Variants in NSMCE2 observed in about 807,000 individuals in gnomAD.
The protein encoded by NSMCE2 is E3 SUMO-protein ligase NSE2.
Under a neutral mutation model 23.8 loss-of-function variants are expected in NSMCE2, and 24 were observed. The observed-to-expected ratio is 1.01, with a 90% CI of 0.73 to 1.42. The LOEUF is 1.42. NSMCE2 is among the 40% of genes most tolerant of loss of function. NSMCE2 has a pLI of 0.00. For missense variants in NSMCE2, 284 were observed against 296.5 expected, an observed-to-expected ratio of 0.96 and a Z score of 0.31; for synonymous variants, 92 against 94.1, an observed-to-expected ratio of 0.98 and a Z score of 0.13.
In NSMCE2 at chr8:125,363,662, AGGAGGGCGG is replaced by A. The variant is rs970603719; in HGVS notation, c.627-3099_627-3091del. On this transcript the variant is annotated intron_variant, in intron 7 of 7. Coordinates refer to ENST00000287437, the MANE Select transcript of NSMCE2 (RefSeq NM_173685.4). ...AAGAGAGGAGGAGGAAGGAGAAGAG[AGGAGGGCGG>A]GGAGGGAGGGAAGGAAGGAAGGCAG... Among the ~76,000 whole-genome samples the A allele has an allele frequency of 2.4e-3, 184 of 76,504 alleles. 1 individual carries two copies. The highest frequency in any genetic ancestry group is 9.0e-3 in the African/African-American group (172 of 19,012). 50.2% of individuals were successfully genotyped at this position (76,504 alleles called of 152,430 possible).
chr8:125,310,223 A>G (rs1828925548), intron 5 of NSMCE2, among the ~76,000 whole-genome samples: 1 of 152,228 alleles, frequency 6.6e-6, no homozygotes, highest in Non-Finnish European at 1.5e-5. Context: ...AATAAGGAAA[A>G]TACATAACTC....
chr8:125,130,108 T>C (rs1819691093), intron 3 of NSMCE2: 1 of 329,860 alleles, frequency 3.0e-6, no homozygotes. Flanking sequence ...CTTTTTTTTT[T>C]CTTGTAATCC....
At chr8:125,342,689 T>C (rs1269752074) in intron 5 of NSMCE2, among the ~76,000 whole-genome samples, 1 of 152,134 alleles carries the variant, frequency 6.6e-6, no homozygotes, top group East Asian at 1.9e-4. Flanking sequence ...TTCCTTCCAG[T>C]CAGCAGGTTT....
intron 3 of NSMCE2, among the ~76,000 whole-genome samples, chr8:125,141,709 G>A (rs1430951674): frequency 6.6e-6 from 1 of 152,120 alleles, no homozygotes; most frequent in African/African-American, 2.4e-5. Flanking sequence ...TCTCTGTGGA[G>A]AGGAGTGAGG....
intron 5 of NSMCE2, among the ~76,000 whole-genome samples, chr8:125,305,313 G>A (rs1014807049): frequency 2.0e-5 from 3 of 152,182 alleles, no homozygotes; most frequent in African/African-American, 7.2e-5. Flanking sequence ...TAAACTCAGA[G>A]GAGCCCAGTG....
chr8:125,179,982 A>C (rs143956757), intron 4 of NSMCE2, among the ~76,000 whole-genome samples: 116 of 152,336 alleles, frequency 7.6e-4, no homozygotes, highest in African/African-American at 7.2e-4. Flanking sequence ...TCTTCCTATA[A>C]TGTTACCATT....
At position 125,113,057 on chromosome 8, in the gene NSMCE2, TGGG is replaced by T. The variant is rs60153673; in HGVS notation, c.157+10579_157+10581del. Among the ~76,000 whole-genome samples, 464 of 105,634 alleles carry T rather than the reference TGGG, an allele frequency of 4.4e-3. 7 individuals are homozygous for T. Among genetic ancestry groups the T allele is most frequent in the African/African-American group, 0.014 (446 of 32,778 alleles). 69.3% of individuals were successfully genotyped at this position (105,634 alleles called of 152,430 possible). ...AAAGTGAATATATATTAACAGAAAA[TGGG>T]GGGGGGGGTGAGTCAATACCTACAG... On this transcript the variant is annotated intron_variant, in intron 3 of 7. Coordinates refer to ENST00000287437, the MANE Select transcript of NSMCE2 (RefSeq NM_173685.4).
At chr8:125,274,417 T>C (rs904000937) in intron 5 of NSMCE2, among the ~76,000 whole-genome samples, 7 of 152,216 alleles carry the variant, frequency 4.6e-5, no homozygotes, top group African/African-American at 1.7e-4. Context: ...TTTAAAATAA[T>C]ACTAGCTTTT....
At chr8:125,124,747 G>C (rs930182219) in intron 3 of NSMCE2, among the ~76,000 whole-genome samples, 1 of 152,064 alleles carries the variant, frequency 6.6e-6, no homozygotes, top group African/African-American at 2.4e-5. Context: ...CAAAGTACTA[G>C]GATTATAGAC....
At chr8:125,213,659 C>CTCTCTCTT (rs545197986) in intron 5 of NSMCE2, among the ~76,000 whole-genome samples, 2 of 147,132 alleles carry the variant, frequency 1.4e-5, no homozygotes, top group African/African-American at 2.5e-5. Context: ...TTCTCTGTTT[C>CTCTCTCTT]TCTCTCTTTC....
At chr8:125,347,752 G>C (rs60368750) in intron 5 of NSMCE2, among the ~76,000 whole-genome samples, 1 of 152,198 alleles carries the variant, frequency 6.6e-6, no homozygotes, top group Non-Finnish European at 1.5e-5. Context: ...GATTGGCTAT[G>C]GAGATTGTGT....
intron 4 of NSMCE2, among the ~76,000 whole-genome samples, chr8:125,178,519 C>T (rs1482669821): frequency 1.3e-5 from 2 of 152,148 alleles, no homozygotes; most frequent in African/African-American, 4.8e-5. Flanking sequence ...ATGTTGAAGT[C>T]CTAACCCCTA....
chr8:125,170,889 T>G (rs1360770899), intron 4 of NSMCE2, among the ~76,000 whole-genome samples: 1 of 152,190 alleles, frequency 6.6e-6, no homozygotes, highest in Non-Finnish European at 1.5e-5. Context: ...ACAGCCAGAA[T>G]GACCCTTTTA....
intron 5 of NSMCE2, among the ~76,000 whole-genome samples, chr8:125,315,981 T>A (rs1829164103): frequency 6.6e-6 from 1 of 152,074 alleles, no homozygotes; most frequent in South Asian, 2.1e-4. Flanking sequence ...GTATTTTTTG[T>A]TTTTTAGCAG....
chr8:125,130,961 G>C (rs1464594076), intron 3 of NSMCE2, among the ~76,000 whole-genome samples: 1 of 152,194 alleles, frequency 6.6e-6, no homozygotes, highest in Admixed American at 6.5e-5. Flanking sequence ...AAGTTCATCA[G>C]CTAGCTTAGG....
At chr8:125,254,279 C>T (rs1008391798) in intron 5 of NSMCE2, among the ~76,000 whole-genome samples, 1 of 152,126 alleles carries the variant, frequency 6.6e-6, no homozygotes, top group African/African-American at 2.4e-5. Flanking sequence ...TGGCTGGATG[C>T]ATGTCAGTGC....
intron 5 of NSMCE2, among the ~76,000 whole-genome samples, chr8:125,211,114 A>G (rs1824319868): frequency 6.6e-6 from 1 of 152,166 alleles, no homozygotes; most frequent in African/African-American, 2.4e-5. Context: ...CTTCTGTTCT[A>G]TTATACATTT....
At chr8:125,297,862 A>G (rs1326263026) in intron 5 of NSMCE2, among the ~76,000 whole-genome samples, 1 of 152,014 alleles carries the variant, frequency 6.6e-6, no homozygotes, top group Non-Finnish European at 1.5e-5. Flanking sequence ...TACTTTTACA[A>G]TATGCAAAGC....
chr8:125,194,580 A>G (rs113540652), intron 5 of NSMCE2, among the ~76,000 whole-genome samples: 3,268 of 152,274 alleles, frequency 0.021, 126 homozygotes, highest in African/African-American at 0.075. Flanking sequence ...TTATGTGAAT[A>G]TGTCTTAATT....
Sources: gnomAD v4.1 joint callset for allele counts (sites outside exome capture counted in the v4.1 genomes callset) on GRCh38, gnomAD v4.1.1 for gene constraint, MANE v1.5 for transcripts, NCBI Gene and HGNC (gene_info 2026-07-23, HGNC 2026-07-21) for gene names.